UGT1A7: variants seen among roughly 807,000 people sequenced by gnomAD.
The protein encoded by UGT1A7 is UDP glucuronosyltransferase family 1 member A7.
UGT1A7 carries 33 observed loss-of-function variants against 45.6 expected under a neutral mutation model. That is an observed-to-expected ratio of 0.72 (90% CI 0.55 to 0.97). The LOEUF (loss-of-function observed/expected upper bound fraction) is 0.97. UGT1A7 is among the 50% of genes least tolerant of loss of function. The probability of loss-of-function intolerance (pLI) is 0.00; values close to 1 mark genes in which losing one functional copy is unlikely to be tolerated. For synonymous variants in UGT1A7, 274 were observed against 250.6 expected (o/e 1.09, Z -0.88); for missense variants, 684 against 666.2 (o/e 1.03, Z -0.29).
chr2:233,693,595 A>G (rs200043339), intron 1 of UGT1A7: 17 of 1,614,104 alleles, frequency 1.1e-5, no homozygotes, highest in Non-Finnish European at 1.4e-5. Flanking sequence ...GGTGCTACAC[A>G]AAGTTTTCAG....
intron 1 of UGT1A7, among the ~76,000 whole-genome samples, chr2:233,685,843 A>G (rs1022840820): frequency 2.6e-5 from 4 of 152,194 alleles, no homozygotes; most frequent in African/African-American, 7.2e-5. Flanking sequence ...AATAAGGAAA[A>G]TTTGTTTCAT....
intron 1 of UGT1A7, among the ~76,000 whole-genome samples, chr2:233,710,054 G>A (rs2076107374): frequency 6.6e-6 from 1 of 152,154 alleles, no homozygotes; most frequent in Non-Finnish European, 1.5e-5. Context: ...TCTTTGGCTC[G>A]GCATAATGTC....
chr2:233,720,798 C>T (rs948904174), intron 1 of UGT1A7, among the ~76,000 whole-genome samples: 26 of 151,502 alleles, frequency 1.7e-4, no homozygotes, highest in African/African-American at 4.1e-4. Flanking sequence ...CTTCACCTCC[C>T]GGGTTTAAGA....
At position 233,755,083 on chromosome 2, in the gene UGT1A7, C is replaced by T. The variant is rs755765570; in HGVS notation, c.856-11951C>T. ...GCCTCGCCATAGCGGTCATAGATAT[C>T]GCGTTTCTACGCGTCCGACAACACC... On this transcript the variant is annotated intron_variant, in intron 1 of 4. Transcript: ENST00000373426. The T allele has an allele frequency of 3.0e-6, 4 of 1,335,262 alleles. No individual in the cohort carries two copies. In the South Asian group the frequency reaches 3.4e-5, roughly 11 times the overall value. 82.7% of individuals were successfully genotyped at this position (1,335,262 alleles called of 1,614,324 possible). A position where few individuals can be genotyped will look rare whatever the true frequency, so the allele number is the denominator to read the frequency against.
intron 1 of UGT1A7, chr2:233,755,261 G>C (rs1442150755): frequency 1.2e-6 from 1 of 807,566 alleles, no homozygotes; most frequent in African/African-American, 1.7e-5. Flanking sequence ...CCTCGTAGTA[G>C]TCCACTATGC....
At chr2:233,703,034 T>A (rs1194366315) in intron 1 of UGT1A7, among the ~76,000 whole-genome samples, 1 of 152,240 alleles carries the variant, frequency 6.6e-6, no homozygotes, top group East Asian at 1.9e-4. Context: ...GTATTCATTC[T>A]TTACATATTT....
intron 1 of UGT1A7, among the ~76,000 whole-genome samples, chr2:233,694,879 G>T (rs1427044787): frequency 6.6e-6 from 1 of 152,168 alleles, no homozygotes; most frequent in Non-Finnish European, 1.5e-5. Context: ...GTACACATTT[G>T]GGGGGTTCAT....
At chr2:233,693,510 A>G in intron 1 of UGT1A7, 1 of 1,614,092 alleles carries the variant, frequency 6.2e-7, no homozygotes, top group Non-Finnish European at 8.5e-7. Context: ...CCATCTGTGT[A>G]CCTCTTCAGG....
intron 1 of UGT1A7, among the ~76,000 whole-genome samples, chr2:233,744,175 A>C (rs1324245746): frequency 1.3e-5 from 2 of 151,870 alleles, no homozygotes; most frequent in African/African-American, 4.9e-5. Flanking sequence ...TCCGGCCTCC[A>C]ACCAGCCATG....
At chr2:233,763,025 C>T (rs532955500) in intron 1 of UGT1A7, among the ~76,000 whole-genome samples, 9 of 152,224 alleles carry the variant, frequency 5.9e-5, no homozygotes, top group African/African-American at 2.2e-4. Context: ...ATTATGTTAG[C>T]CATTGTTTTC....
intron 1 of UGT1A7, among the ~76,000 whole-genome samples, chr2:233,700,926 T>C (rs1403667263): frequency 6.6e-6 from 1 of 152,008 alleles, no homozygotes; most frequent in East Asian, 1.9e-4. Context: ...CCTGTGTCTG[T>C]GTGTGATTGT....
intron 1 of UGT1A7, among the ~76,000 whole-genome samples, chr2:233,706,592 C>T (rs2075915253): frequency 6.6e-6 from 1 of 151,948 alleles, no homozygotes; most frequent in African/African-American, 2.4e-5. Flanking sequence ...GGGAGGTGGA[C>T]CTAAGTATGT....
intron 1 of UGT1A7, among the ~76,000 whole-genome samples, chr2:233,722,279 AT>A (rs1210405626): frequency 6.6e-6 from 1 of 152,090 alleles, no homozygotes; most frequent in Non-Finnish European, 1.5e-5. Flanking sequence ...TATTACATTG[AT>A]TTCCTTTGTT....
At chr2:233,748,014 C>A in intron 1 of UGT1A7, 1 of 1,613,488 alleles carries the variant, frequency 6.2e-7, no homozygotes, top group Non-Finnish European at 8.5e-7. Flanking sequence ...TTACCCCAGG[C>A]CGATCATGCC....
rs200041554 is a variant in UGT1A7, at chr2:233,772,747, T to C, written c.*188T>C. The C allele has an allele frequency of 7.0e-7, 1 of 1,423,162 alleles. No individual in the cohort carries two copies. Among genetic ancestry groups the C allele is most frequent in the South Asian group, 1.5e-5 (1 of 67,222 alleles). The allele number at this position is 1,423,162 out of a possible 1,614,324, so 88.2% of individuals were successfully genotyped here. A position where few individuals can be genotyped will look rare whatever the true frequency, so the allele number is the denominator to read the frequency against. On this transcript the variant is annotated 3_prime_UTR_variant, in exon 5 of 5. Coordinates refer to ENST00000373426, the MANE Select transcript of UGT1A7 (RefSeq NM_019077.3). ...TAGACTCGCTAGTCAGTAAAGATAT[T>C]TGAATATGTATCGTGCCCCCTCTGG...
intron 1 of UGT1A7, among the ~76,000 whole-genome samples, chr2:233,764,685 G>C (rs1320206547): frequency 6.6e-6 from 1 of 152,148 alleles, no homozygotes; most frequent in Non-Finnish European, 1.5e-5. Context: ...AGAACTTGAA[G>C]AGCACTTGGA....
At chr2:233,693,950 C>T (rs2075190769) in intron 1 of UGT1A7, 2 of 1,589,758 alleles carry the variant, frequency 1.3e-6, no homozygotes, top group Non-Finnish European at 1.7e-6. Context: ...AGCCGACTGT[C>T]CCTTGGAGGA....
At chr2:233,729,153 G>A in intron 1 of UGT1A7, 4 of 1,613,546 alleles carry the variant, frequency 2.5e-6, no homozygotes, top group Non-Finnish European at 3.4e-6. Context: ...AGGTTCCCCT[G>A]CCGTGGCTGG....
At chr2:233,695,228 C>T (rs530081428) in intron 1 of UGT1A7, among the ~76,000 whole-genome samples, 6 of 151,278 alleles carry the variant, frequency 4.0e-5, no homozygotes, top group Admixed American at 2.0e-4. Flanking sequence ...TGGGTTCAAG[C>T]GATTCTCCTG....
Sources: allele counts gnomAD v4.1 joint callset (sites outside exome capture counted in the v4.1 genomes callset), GRCh38; gene constraint gnomAD v4.1.1; transcripts MANE v1.5; gene names NCBI Gene and HGNC (gene_info 2026-07-23, HGNC 2026-07-21).